Variants in WDFY2 observed in about 807,000 individuals in gnomAD.
WDFY2 encodes WD repeat and FYVE domain-containing protein 2.
In WDFY2, 36 loss-of-function variants were observed where a neutral mutation model predicts 56.4. The observed-to-expected ratio is 0.64, with a 90% CI of 0.49 to 0.84. The LOEUF (loss-of-function observed/expected upper bound fraction) is 0.84, where lower values mean the gene tolerates loss of function less well. Ranked by LOEUF, WDFY2 falls within the 40% of genes least tolerant of loss-of-function variation. WDFY2 has a pLI of 0.00. For synonymous variants in WDFY2, 176 were observed against 183.7 expected, an observed-to-expected ratio of 0.96 and a Z score of 0.34; for missense variants, 444 against 512.2, an observed-to-expected ratio of 0.87 and a Z score of 1.29.
At chr13:51,697,555 C>T (rs1045290008) in intron 3 of WDFY2, among the ~76,000 whole-genome samples, 1 of 151,118 alleles carries the variant, frequency 6.6e-6, no homozygotes, top group African/African-American at 2.4e-5. Context: ...ATCATTTGAG[C>T]TTAGGAGGTT....
intron 1 of WDFY2, among the ~76,000 whole-genome samples, chr13:51,649,857 C>T (rs1303401603): frequency 6.6e-6 from 1 of 152,118 alleles, no homozygotes; most frequent in Non-Finnish European, 1.5e-5. Flanking sequence ...AGCATGATGC[C>T]TCCAGCTTTG....
intron 10 of WDFY2, 132 bp downstream of exon 10, chr13:51,756,594 G>T (rs1953390283): frequency 1.4e-6 from 2 of 1,388,160 alleles, no homozygotes; most frequent in African/African-American, 2.9e-5. Flanking sequence ...ACGGCAAGCA[G>T]TAAAAGCTCT....
At chr13:51,622,937 A>G (rs1433713491) in intron 1 of WDFY2, among the ~76,000 whole-genome samples, 3 of 146,190 alleles carry the variant, frequency 2.1e-5, no homozygotes, top group African/African-American at 7.7e-5. Flanking sequence ...GGCTCACTGC[A>G]GCCTCCACCT....
chr13:51,595,600 G>A (rs900451025), intron 1 of WDFY2, among the ~76,000 whole-genome samples: 10 of 152,156 alleles, frequency 6.6e-5, no homozygotes, highest in African/African-American at 2.4e-4. Context: ...TGGTGGGAAA[G>A]CAGCACACGA....
intron 7 of WDFY2, among the ~76,000 whole-genome samples, chr13:51,746,852 A>G (rs900357471): frequency 9.2e-5 from 14 of 152,234 alleles, no homozygotes; most frequent in Non-Finnish European, 7.3e-5. Context: ...TCTTCTGTTC[A>G]TTCAGTTCTA....
intron 3 of WDFY2, among the ~76,000 whole-genome samples, chr13:51,684,109 A>T (rs1956021592): frequency 6.6e-6 from 1 of 152,174 alleles, no homozygotes; most frequent in African/African-American, 2.4e-5. Context: ...GTAGGAAGAC[A>T]ACCATCAGTA....
At chr13:51,708,344 A>G (rs1288568846) in intron 4 of WDFY2, among the ~76,000 whole-genome samples, 1 of 145,100 alleles carries the variant, frequency 6.9e-6, no homozygotes, top group Non-Finnish European at 1.5e-5. Flanking sequence ...AAAAAAAAAT[A>G]CCAATTAGCC....
intron 1 of WDFY2, chr13:51,594,017 T>C (rs2138294047): frequency 6.6e-6 from 1 of 152,392 alleles, no homozygotes; most frequent in South Asian, 2.1e-4. Flanking sequence ...ACATGCTCTG[T>C]TTCCGACTTG....
chr13:51,755,552 G>A (rs1457900530), intron 9 of WDFY2, 93 bp downstream of exon 9: 9 of 1,210,414 alleles, frequency 7.4e-6, no homozygotes, highest in Admixed American at 1.8e-5. Context: ...GGTGGGAGTT[G>A]TGGTGAGGGT....
intron 7 of WDFY2, among the ~76,000 whole-genome samples, chr13:51,740,665 G>T (rs1461655486): frequency 7.0e-6 from 1 of 141,992 alleles, no homozygotes. Context: ...GGTGAGCCGA[G>T]ATCACACCAT....
intron 1 of WDFY2, among the ~76,000 whole-genome samples, chr13:51,605,463 TGTTA>T (rs1315345826): frequency 6.6e-6 from 1 of 152,180 alleles, no homozygotes; most frequent in Non-Finnish European, 1.5e-5. Context: ...ACTCAATAGA[TGTTA>T]GTGTTTGTTA....
chr13:51,684,564 G>A (rs1055231161), intron 3 of WDFY2, among the ~76,000 whole-genome samples: 2 of 151,974 alleles, frequency 1.3e-5, no homozygotes, highest in Non-Finnish European at 2.9e-5. Flanking sequence ...GGCCCATTCT[G>A]TTCTCATGAG....
chr13:51,703,265 A>C (rs915784113), intron 3 of WDFY2, among the ~76,000 whole-genome samples: 3 of 152,222 alleles, frequency 2.0e-5, no homozygotes, highest in African/African-American at 7.2e-5. Context: ...AGAGCCTTGC[A>C]AATTTTTAGC....
At chr13:51,702,610 C>T (rs1234709850) in intron 3 of WDFY2, among the ~76,000 whole-genome samples, 1 of 152,084 alleles carries the variant, frequency 6.6e-6, no homozygotes, top group East Asian at 1.9e-4. Flanking sequence ...ATAATATTTC[C>T]TTCTAAAAAA....
chr13:51,728,866 G>C (rs374336494), intron 6 of WDFY2, among the ~76,000 whole-genome samples: 4 of 152,230 alleles, frequency 2.6e-5, no homozygotes, highest in African/African-American at 9.6e-5. Flanking sequence ...TGGGCCTGGG[G>C]TTCTGGGGGG....
Position 51,764,116 on chromosome 13 carries a change from G to A in WDFY2, c.*4347G>A, listed in dbSNP as rs530109967. The A allele has an allele frequency of 2.0e-5, 3 of 152,316 alleles. No homozygotes were observed. The South Asian group carries it at 6.2e-4, about 32-fold the overall frequency. 9.4% of individuals were successfully genotyped at this position (152,316 alleles called of 1,614,324 possible). ...CTTGATTGGAAAACACAGAAATTAA[G>A]ATCATGTTGAACACTGAGTTATCTA... On this transcript the variant is annotated 3_prime_UTR_variant, in exon 12 of 12. Transcript: ENST00000298125.
chr13:51,673,192 G>T (rs929861618), intron 2 of WDFY2, among the ~76,000 whole-genome samples: 6 of 152,200 alleles, frequency 3.9e-5, no homozygotes, highest in African/African-American at 1.4e-4. Flanking sequence ...TAAGGGAATG[G>T]CAATGAAGAT....
At chr13:51,616,824 A>G (rs1368436267) in intron 1 of WDFY2, among the ~76,000 whole-genome samples, 1 of 152,246 alleles carries the variant, frequency 6.6e-6, no homozygotes, top group Admixed American at 6.5e-5. Flanking sequence ...ATGAGTTACC[A>G]TATGTAAAGC....
At chr13:51,727,961 C>T (rs1055142336) in intron 6 of WDFY2, among the ~76,000 whole-genome samples, 171 bp downstream of exon 6, 3 of 152,220 alleles carry the variant, frequency 2.0e-5, no homozygotes, top group Non-Finnish European at 4.4e-5. Context: ...GATATAACAT[C>T]AAACGTTTTT....
Sources: gnomAD v4.1 joint callset for allele counts (sites outside exome capture counted in the v4.1 genomes callset) on GRCh38, gnomAD v4.1.1 for gene constraint, MANE v1.5 for transcripts, NCBI Gene and HGNC (gene_info 2026-07-23, HGNC 2026-07-21) for gene names.